UTRN: variants seen among roughly 807,000 people sequenced by gnomAD.
UTRN encodes utrophin.
In UTRN, 283 loss-of-function variants were observed where a neutral mutation model predicts 463.9. The observed-to-expected ratio is 0.61, with a 90% CI of 0.55 to 0.67. The LOEUF (loss-of-function observed/expected upper bound fraction) is 0.67. Ranked by LOEUF, UTRN falls within the 30% of genes least tolerant of loss-of-function variation. The pLI is 0.00. For synonymous variants in UTRN, 1,442 were observed against 1,431.5 expected, an observed-to-expected ratio of 1.01 and a Z score of -0.17; for missense variants, 3,922 against 4,084.3, an observed-to-expected ratio of 0.96 and a Z score of 1.08.
chr6:144,816,207 A>G (rs1351701968), intron 65 of UTRN, among the ~76,000 whole-genome samples: 2 of 152,234 alleles, frequency 1.3e-5, no homozygotes, highest in East Asian at 1.9e-4. Flanking sequence ...CCAACAGACA[A>G]ACTGTAGGGA....
At chr6:144,422,028 C>A (rs1784876233) in intron 4 of UTRN, 58 bp downstream of exon 4, 4 of 1,434,916 alleles carry the variant, frequency 2.8e-6, no homozygotes, top group Non-Finnish European at 3.9e-6. Flanking sequence ...TACTTGATGA[C>A]CCAGTGTGGG....
intron 69 of UTRN, among the ~76,000 whole-genome samples, chr6:144,834,233 T>C (rs1454055383): frequency 6.6e-6 from 1 of 152,218 alleles, no homozygotes; most frequent in Non-Finnish European, 1.5e-5. Context: ...TAGGTACTTA[T>C]TATTATATTG....
intron 58 of UTRN, among the ~76,000 whole-genome samples, chr6:144,762,309 G>T (rs1266054294): frequency 1.3e-5 from 2 of 152,196 alleles, no homozygotes; most frequent in Non-Finnish European, 2.9e-5. Flanking sequence ...TCAGAGGACG[G>T]AAGTTTTTAG....
At chr6:144,440,580 G>T in intron 13 of UTRN, 109 bp downstream of exon 13, 1 of 1,441,290 alleles carries the variant, frequency 6.9e-7, no homozygotes. Flanking sequence ...CAGAAGGGTA[G>T]AAAAACCTAC....
chr6:144,459,319 A>G lies in UTRN; in HGVS notation c.2672A>G (p.Glu891Gly), dbSNP rs1426706526. The part of the protein sequence containing the change: ...SFLGRYQAVQ[E>G]AVEDRQQHLE... ...CTGGGCCGCTACCAAGCTGTACAAG[A>G]GGCTGTAGAGGATCGTCAACAACAT... The change falls in exon 21 of 75, where the codon GAG becomes GGG. Residue 891 changes from glutamate (E) to glycine (G), a missense_variant. Around this residue, in one of 3 missense-constraint regions of UTRN, gnomAD observed 2,349 missense variants for 2,303.8 expected, o/e 1.02. Transcript: ENST00000367545. The G allele has an allele frequency of 1.9e-6, 3 of 1,610,474 alleles. No homozygotes were observed. Among genetic ancestry groups the G allele is most frequent in the Non-Finnish European group, 2.5e-6 (3 of 1,179,006 alleles).
intron 2 of UTRN, among the ~76,000 whole-genome samples, chr6:144,351,027 G>C (rs1222051791): frequency 3.3e-5 from 5 of 151,902 alleles, no homozygotes; most frequent in African/African-American, 9.7e-5. Context: ...CATATGGATG[G>C]TAAGTCCCAG....
chr6:144,489,973 T>C, intron 30 of UTRN, 98 bp from the exon 31 acceptor site: 1 of 1,488,310 alleles, frequency 6.7e-7, no homozygotes, highest in Non-Finnish European at 9.1e-7. Flanking sequence ...AAATACGATA[T>C]CATGTATTAC....
At chr6:144,718,891 G>A (rs1786793194) in intron 53 of UTRN, among the ~76,000 whole-genome samples, 1 of 152,226 alleles carries the variant, frequency 6.6e-6, no homozygotes, top group South Asian at 2.1e-4. Context: ...AGCTCATGCT[G>A]GTGGTGCAGG....
intron 48 of UTRN, 23 bp downstream of exon 48, chr6:144,551,105 T>A (rs778116485): frequency 1.3e-6 from 2 of 1,538,204 alleles, no homozygotes; most frequent in Admixed American, 3.7e-5. Context: ...AAAAAAGTTA[T>A]GTATTATCAT....
At chr6:144,300,086 A>ATTT (rs10677686) in intron 2 of UTRN, among the ~76,000 whole-genome samples, 27 of 142,456 alleles carry the variant, frequency 1.9e-4, no homozygotes, top group African/African-American at 3.6e-4. Flanking sequence ...AAGTCTTGTG[A>ATTT]TTTTTTTTTT....
rs780325117 is a variant in UTRN, at chr6:144,474,746, A to C, written c.3323A>C (p.Lys1108Thr). Residue 1108 changes from lysine (K) to threonine (T), a missense_variant, in exon 25 of 75, where the codon AAA becomes ACA. By Grantham distance (78) the Lys-to-Thr change is moderately conservative (BLOSUM62 -1). This residue lies in a region of UTRN where 2,349 missense variants were observed against 2,303.8 expected (regional missense o/e 1.02). Coordinates refer to ENST00000367545, the MANE Select transcript of UTRN (RefSeq NM_007124.3). Reference sequence around the variant, plus strand: ...GGTGACTACCAAACTCAACTGGAGAAACTTAGCAAGGAGGTGAGTTTTTCA... The same window carrying C: ...GGTGACTACCAAACTCAACTGGAGACACTTAGCAAGGAGGTGAGTTTTTCA... ...RLGDYQTQLEKLSKEIATQKS... is the reference protein window; with the variant it reads ...RLGDYQTQLETLSKEIATQKS... The C allele has an allele frequency of 1.5e-5, 24 of 1,612,430 alleles. No individual in the cohort carries two copies. Among genetic ancestry groups the C allele is most frequent in the Middle Eastern group, 1.6e-4 (1 of 6,082 alleles).
chr6:144,325,414 G>A (rs1335836997), intron 2 of UTRN, among the ~76,000 whole-genome samples: 2 of 151,918 alleles, frequency 1.3e-5, no homozygotes, highest in Non-Finnish European at 2.9e-5. Flanking sequence ...TTTTTCCATG[G>A]GATGATGTAG....
chr6:144,419,985 C>CAT (rs1784692384), intron 3 of UTRN, among the ~76,000 whole-genome samples: 1 of 151,852 alleles, frequency 6.6e-6, no homozygotes, highest in East Asian at 1.9e-4. Context: ...CACACACACA[C>CAT]ACACACACAC....
chr6:144,603,108 C>T (rs1016553297), intron 51 of UTRN, among the ~76,000 whole-genome samples: 2 of 152,054 alleles, frequency 1.3e-5, no homozygotes. Flanking sequence ...TTGATTCTCC[C>T]TAATAGTACT....
intron 52 of UTRN, among the ~76,000 whole-genome samples, chr6:144,694,676 A>C (rs1783796801): frequency 6.6e-6 from 1 of 152,154 alleles, no homozygotes; most frequent in Non-Finnish European, 1.5e-5. Context: ...GTTTATGTGC[A>C]TAGAGGTGTT....
intron 2 of UTRN, among the ~76,000 whole-genome samples, chr6:144,358,424 G>C (rs1355707562): frequency 1.3e-5 from 2 of 152,178 alleles, no homozygotes; most frequent in African/African-American, 2.4e-5. Flanking sequence ...TGCTATAGGT[G>C]ATAGTGAGCC....
chr6:144,827,228 G>A (rs1780261289), intron 66 of UTRN, 120 bp from the exon 67 acceptor site: 1 of 1,205,028 alleles, frequency 8.3e-7, no homozygotes, highest in Non-Finnish European at 1.2e-6. Flanking sequence ...TGGCTCTCAG[G>A]GCAACCACAT....
chr6:144,396,559 A>G (rs1782437842), intron 2 of UTRN, among the ~76,000 whole-genome samples: 1 of 152,236 alleles, frequency 6.6e-6, no homozygotes, highest in South Asian at 2.1e-4. Context: ...AAAAAAATCT[A>G]TTAATATGCC....
At chr6:144,756,639 G>T (rs1255542565) in intron 57 of UTRN, among the ~76,000 whole-genome samples, 1 of 152,094 alleles carries the variant, frequency 6.6e-6, no homozygotes, top group Non-Finnish European at 1.5e-5. Flanking sequence ...CTATTAGCCT[G>T]GTGCCAACAC....
Sources: allele counts gnomAD v4.1 joint callset (sites outside exome capture counted in the v4.1 genomes callset), GRCh38; gene constraint gnomAD v4.1.1; regional missense constraint gnomAD v4.1.1; transcripts MANE v1.5; gene names NCBI Gene and HGNC (gene_info 2026-07-23, HGNC 2026-07-21).